Variants in SGMS1 observed in about 807,000 individuals in gnomAD.
SGMS1 encodes the protein phosphatidylcholine:ceramide cholinephosphotransferase 1.
In SGMS1, 13 loss-of-function variants were observed where a neutral mutation model predicts 46.2. The ratio of observed to expected loss-of-function variants is 0.28; its 90% CI spans 0.18 to 0.45. SGMS1 has a LOEUF of 0.45. Ranked by LOEUF, SGMS1 falls within the 20% of genes least tolerant of loss-of-function variation. The pLI, the probability that SGMS1 is intolerant of heterozygous loss-of-function variation, is 1.00. For synonymous variants in SGMS1, 203 were observed against 187.8 expected (o/e 1.08, Z -0.66); for missense variants, 324 against 519.9 (o/e 0.62, Z 3.66).
intron 6 of SGMS1, among the ~76,000 whole-genome samples, chr10:50,411,204 C>T (rs1301634089): frequency 1.3e-5 from 2 of 152,160 alleles, no homozygotes; most frequent in African/African-American, 4.8e-5. Context: ...AAACCTATAA[C>T]CACACTCTGT....
At chr10:50,546,853 C>A (rs1035526071) in intron 2 of SGMS1, among the ~76,000 whole-genome samples, 2 of 151,940 alleles carry the variant, frequency 1.3e-5, no homozygotes, top group Non-Finnish European at 2.9e-5. Flanking sequence ...CACATGTACC[C>A]TAAAACTTAA....
chr10:50,408,618 G>C (rs924894069), intron 6 of SGMS1, among the ~76,000 whole-genome samples: 1 of 152,032 alleles, frequency 6.6e-6, no homozygotes, highest in Non-Finnish European at 1.5e-5. Context: ...GGGAGGCAGA[G>C]GTTGCAGTGA....
intron 1 of SGMS1, among the ~76,000 whole-genome samples, chr10:50,607,631 G>GTGAGTA (rs1409997822): frequency 4.9e-4 from 75 of 152,330 alleles, no homozygotes; most frequent in Middle Eastern, 3.4e-3. Context: ...GTTGTGTGAA[G>GTGAGTA]CAGCAAGTGA....
chr10:50,455,404 G>C (rs1180294510), intron 5 of SGMS1, among the ~76,000 whole-genome samples: 1 of 152,158 alleles, frequency 6.6e-6, no homozygotes, highest in African/African-American at 2.4e-5. Flanking sequence ...ATAACTAAAT[G>C]TATATTAACA....
At chr10:50,610,202 C>T (rs887448765) in intron 1 of SGMS1, among the ~76,000 whole-genome samples, 4 of 152,212 alleles carry the variant, frequency 2.6e-5, no homozygotes, top group African/African-American at 9.6e-5. Context: ...TACAACAAGG[C>T]TGTCAGTGTG....
At chr10:50,563,463 G>A (rs1406502185) in intron 2 of SGMS1, among the ~76,000 whole-genome samples, 1 of 152,162 alleles carries the variant, frequency 6.6e-6, no homozygotes. Flanking sequence ...CTCTTTTGAG[G>A]CCGGGCGCGG....
At chr10:50,528,743 A>G (rs1351637845) in intron 2 of SGMS1, among the ~76,000 whole-genome samples, 1 of 152,174 alleles carries the variant, frequency 6.6e-6, no homozygotes, top group Non-Finnish European at 1.5e-5. Context: ...CTACAAAAAA[A>G]TAAAACCTAG....
intron 2 of SGMS1, among the ~76,000 whole-genome samples, chr10:50,574,688 T>C (rs1268232096): frequency 6.6e-6 from 1 of 152,172 alleles, no homozygotes. Context: ...TGCATGCTCA[T>C]GTTTATCACA....
At chr10:50,382,499 C>T (rs762589785) in intron 6 of SGMS1, among the ~76,000 whole-genome samples, 1 of 150,448 alleles carries the variant, frequency 6.6e-6, no homozygotes, top group Non-Finnish European at 1.5e-5. Context: ...TTTTTATAAT[C>T]AATAAAAAGC....
intron 5 of SGMS1, among the ~76,000 whole-genome samples, chr10:50,437,925 G>A (rs906978380): frequency 6.6e-6 from 1 of 152,216 alleles, no homozygotes; most frequent in African/African-American, 2.4e-5. Context: ...GGCCCCAGCA[G>A]CATGAGAGTT....
intron 2 of SGMS1, among the ~76,000 whole-genome samples, chr10:50,542,695 G>T (rs1294014312): frequency 2.0e-5 from 3 of 147,036 alleles, no homozygotes; most frequent in East Asian, 2.0e-4. Context: ...AGGGGAGAGA[G>T]ATATATATAA....
At chr10:50,393,215 C>T (rs188571720) in intron 6 of SGMS1, among the ~76,000 whole-genome samples, 1 of 152,204 alleles carries the variant, frequency 6.6e-6, no homozygotes, top group East Asian at 1.9e-4. Flanking sequence ...GGGACCTAAC[C>T]CTGAAAGGGC....
intron 3 of SGMS1, among the ~76,000 whole-genome samples, chr10:50,494,564 G>T (rs1208236808): frequency 1.3e-5 from 2 of 152,182 alleles, no homozygotes; most frequent in East Asian, 3.8e-4. Flanking sequence ...CTTGTAAGTG[G>T]GAGCTAAATG....
At chr10:50,535,684 T>C (rs1382647549) in intron 2 of SGMS1, among the ~76,000 whole-genome samples, 3 of 152,182 alleles carry the variant, frequency 2.0e-5, no homozygotes, top group Non-Finnish European at 4.4e-5. Context: ...AAATTCTTAA[T>C]GGGCTGATTC....
intron 5 of SGMS1, among the ~76,000 whole-genome samples, chr10:50,434,928 T>C (rs1271129187): frequency 1.4e-5 from 2 of 140,748 alleles, no homozygotes; most frequent in African/African-American, 5.2e-5. Context: ...AAACACCAAA[T>C]AAATAAATAT....
At chr10:50,387,671 A>T (rs971270864) in intron 6 of SGMS1, among the ~76,000 whole-genome samples, 17 of 152,242 alleles carry the variant, frequency 1.1e-4, no homozygotes, top group African/African-American at 3.4e-4. Context: ...CGGCAGATTC[A>T]TAGGTATTGT....
intron 6 of SGMS1, among the ~76,000 whole-genome samples, chr10:50,350,325 G>C (rs527608404): frequency 3.3e-5 from 5 of 152,254 alleles, no homozygotes; most frequent in African/African-American, 9.6e-5. Flanking sequence ...AGTTTGATAA[G>C]GGAAGCAAAG....
chr10:50,560,162 A>T (rs959003471), intron 2 of SGMS1, among the ~76,000 whole-genome samples: 1 of 145,796 alleles, frequency 6.9e-6, no homozygotes, highest in Admixed American at 6.9e-5. Context: ...AAATAGACAT[A>T]TATTATACAT....
intron 3 of SGMS1, among the ~76,000 whole-genome samples, chr10:50,488,868 T>C (rs578238927): frequency 3.0e-4 from 45 of 152,328 alleles, no homozygotes; most frequent in Admixed American, 1.7e-3. Context: ...TCAGGAGACC[T>C]TTCTGCATTG....
Sources: allele counts gnomAD v4.1 joint callset (sites outside exome capture counted in the v4.1 genomes callset), GRCh38; gene constraint gnomAD v4.1.1; transcripts MANE v1.5; gene names NCBI Gene and HGNC (gene_info 2026-07-23, HGNC 2026-07-21).